The following RBFOX1 variants were observed in gnomAD, a reference collection of about 807,000 sequenced individuals.
The protein encoded by RBFOX1 is RNA binding protein fox-1 homolog 1.
A neutral mutation model predicts 57.7 loss-of-function variants in RBFOX1; 8 were observed. The ratio of observed to expected loss-of-function variants is 0.14; its 90% CI spans 0.08 to 0.25. The LOEUF is 0.25. Ranked by LOEUF, RBFOX1 falls within the 10% of genes least tolerant of loss-of-function variation. The probability of loss-of-function intolerance (pLI) is 1.00; values close to 1 mark genes in which losing one functional copy is unlikely to be tolerated. For missense variants in RBFOX1, 611 were observed against 548.5 expected (o/e 1.11, Z -1.14); for synonymous variants, 326 against 222.4 (o/e 1.47, Z -4.15).
At chr16:7,547,361 G>A (rs1013568255) in intron 5 of RBFOX1, among the ~76,000 whole-genome samples, 1 of 152,200 alleles carries the variant, frequency 6.6e-6, no homozygotes, top group Admixed American at 6.5e-5. Flanking sequence ...AATTGTGTCA[G>A]TTGGCACCAC....
At chr16:6,151,997 C>T (rs952186437) in intron 1 of RBFOX1, among the ~76,000 whole-genome samples, 1 of 152,148 alleles carries the variant, frequency 6.6e-6, no homozygotes, top group African/African-American at 2.4e-5. Context: ...ATGTGAATAG[C>T]CATTCCTTGG....
chr16:6,119,207 G>A (rs1005422513), intron 1 of RBFOX1, among the ~76,000 whole-genome samples: 25 of 151,752 alleles, frequency 1.6e-4, no homozygotes, highest in African/African-American at 5.3e-4. Flanking sequence ...AATATGAGCT[G>A]TTTATAATAA....
At chr16:5,724,541 A>G (rs1032941998) in intron 3 of RBFOX1, among the ~76,000 whole-genome samples, 5 of 152,188 alleles carry the variant, frequency 3.3e-5, no homozygotes, top group Non-Finnish European at 7.3e-5. Flanking sequence ...AGCTTAGGGA[A>G]GGCATCTGAC....
chr16:6,689,356 C>G (rs2059892355), intron 3 of RBFOX1, among the ~76,000 whole-genome samples: 1 of 152,078 alleles, frequency 6.6e-6, no homozygotes, highest in Non-Finnish European at 1.5e-5. Flanking sequence ...GTCTTCACCT[C>G]CACATATATT....
At chr16:6,648,715 A>G (rs74530030) in intron 2 of RBFOX1, among the ~76,000 whole-genome samples, 2,161 of 152,298 alleles carry the variant, frequency 0.014, 60 homozygotes, top group African/African-American at 0.049. Context: ...AAGGAAATGC[A>G]TCACCTGGTC....
chr16:6,825,187 T>TGGGG (rs1345396818), intron 3 of RBFOX1, among the ~76,000 whole-genome samples: 2 of 149,816 alleles, frequency 1.3e-5, no homozygotes, highest in Non-Finnish European at 3.0e-5. Flanking sequence ...TCCTTTCTTG[T>TGGGG]GGGGGGGCTG....
chr16:5,936,109 C>G (rs974969191), intron 4 of RBFOX1, among the ~76,000 whole-genome samples: 1 of 151,884 alleles, frequency 6.6e-6, no homozygotes, highest in Non-Finnish European at 1.5e-5. Context: ...ATAAACCTTC[C>G]TAGGGAGGAA....
intron 1 of RBFOX1, among the ~76,000 whole-genome samples, chr16:5,398,070 T>C (rs2066610946): frequency 6.6e-6 from 1 of 152,144 alleles, no homozygotes; most frequent in Admixed American, 6.5e-5. Context: ...CACACGGGGC[T>C]GTGAGAGGTT....
intron 3 of RBFOX1, among the ~76,000 whole-genome samples, chr16:6,953,236 A>ACTC (rs999757651): frequency 2.6e-5 from 4 of 152,076 alleles, no homozygotes; most frequent in Non-Finnish European, 5.9e-5. Flanking sequence ...TACCTATGGT[A>ACTC]CTCTTTAATC....
chr16:6,899,716 A>G (rs1470156595), intron 3 of RBFOX1, among the ~76,000 whole-genome samples: 1 of 152,236 alleles, frequency 6.6e-6, no homozygotes, highest in East Asian at 1.9e-4. Context: ...TGGAGGCTTC[A>G]TGCATGATGG....
chr16:5,543,804 C>G (rs893336237), intron 2 of RBFOX1, among the ~76,000 whole-genome samples: 9 of 152,178 alleles, frequency 5.9e-5, no homozygotes, highest in African/African-American at 1.4e-4. Flanking sequence ...AGACAGATTA[C>G]TTACAGAGCC....
At chr16:5,671,133 C>G (rs914297819) in intron 3 of RBFOX1, among the ~76,000 whole-genome samples, 1 of 152,236 alleles carries the variant, frequency 6.6e-6, no homozygotes, top group Non-Finnish European at 1.5e-5. Flanking sequence ...TTGCTCTCTT[C>G]TGTGGATTCC....
At chr16:7,636,229 C>G (rs2142998187) in intron 11 of RBFOX1, among the ~76,000 whole-genome samples, 1 of 152,372 alleles carries the variant, frequency 6.6e-6, no homozygotes, top group East Asian at 1.9e-4. Context: ...TGTTGGTTCC[C>G]TTCCAGCATG....
chr16:7,305,617 A>T (rs1017118029), intron 4 of RBFOX1, among the ~76,000 whole-genome samples: 1 of 152,096 alleles, frequency 6.6e-6, no homozygotes, highest in Non-Finnish European at 1.5e-5. Context: ...CTTCCCCAAG[A>T]CCCTCAATTT....
intron 4 of RBFOX1, among the ~76,000 whole-genome samples, chr16:7,114,661 G>A (rs1015568762): frequency 2.0e-5 from 3 of 152,172 alleles, no homozygotes; most frequent in African/African-American, 7.2e-5. Flanking sequence ...AGTGCCTCAT[G>A]CCTTCTTCCC....
intron 4 of RBFOX1, among the ~76,000 whole-genome samples, chr16:7,084,571 A>C (rs930580862): frequency 6.6e-6 from 1 of 152,198 alleles, no homozygotes. Flanking sequence ...GTGCTGCCTC[A>C]TAACTGACTT....
intron 3 of RBFOX1, among the ~76,000 whole-genome samples, chr16:7,029,496 T>C (rs1040205126): frequency 6.6e-6 from 1 of 151,806 alleles, no homozygotes; most frequent in Non-Finnish European, 1.5e-5. Flanking sequence ...AAAGTCAGTG[T>C]TGGTGAAGCA....
At chr16:5,885,354 A>T (rs138170792) in intron 4 of RBFOX1, among the ~76,000 whole-genome samples, 233 of 151,614 alleles carry the variant, frequency 1.5e-3, no homozygotes, top group African/African-American at 5.4e-3. Context: ...ATACGACTGC[A>T]TTTTTCCCCT....
intron 3 of RBFOX1, among the ~76,000 whole-genome samples, chr16:6,826,486 A>G (rs182192370): frequency 1.2e-3 from 179 of 152,222 alleles, no homozygotes; most frequent in Middle Eastern, 3.4e-3. Flanking sequence ...ATAACCTAGA[A>G]CAGTGCCTGG....
Sources: gnomAD v4.1 joint callset for allele counts (sites outside exome capture counted in the v4.1 genomes callset) on GRCh38, gnomAD v4.1.1 for gene constraint, MANE v1.5 for transcripts, NCBI Gene and HGNC (gene_info 2026-07-23, HGNC 2026-07-21) for gene names.